The following JTB variants were observed in gnomAD, a reference collection of about 807,000 sequenced individuals.
The protein encoded by JTB is protein JTB.
In JTB, 10 loss-of-function variants were observed where a neutral mutation model predicts 22.1. The ratio of observed to expected loss-of-function variants is 0.45; its 90% CI spans 0.28 to 0.77. The LOEUF is 0.77. JTB is among the 30% of genes least tolerant of loss of function. The probability of loss-of-function intolerance (pLI) is 0.13; values close to 1 mark genes in which losing one functional copy is unlikely to be tolerated. For missense variants in JTB, 137 were observed against 180.3 expected (o/e 0.76, Z 1.38); for synonymous variants, 83 against 66.8 (o/e 1.24, Z -1.18).
chr1:153,977,268 G>C lies in JTB; in HGVS notation c.-16C>G. 6.2e-7 allele frequency: 1 copy of C among 1,613,376 alleles called. No homozygotes were observed. On this transcript the variant is annotated 5_prime_UTR_variant, in exon 1 of 5. Coordinates refer to ENST00000271843, the MANE Select transcript of JTB (RefSeq NM_006694.4). ...CCGCAAGCATGGAGCGCCAAGTGTC[G>C]CACCTGTCGGAACAGAGGGACCTAC...
At position 153,977,153 on chromosome 1, in the gene JTB, C is replaced by A; in HGVS notation, c.83+17G>T. ...CCTCCAGTGACCTCCTTTTCCCTCCCCTTACCTCCTCCTTACCAGAGCTTT... is the reference window on the plus strand; with the variant it reads ...CCTCCAGTGACCTCCTTTTCCCTCCACTTACCTCCTCCTTACCAGAGCTTT... On this transcript the variant is annotated intron_variant, in intron 1 of 4. Transcript: ENST00000271843. The A allele has an allele frequency of 6.2e-7, 1 of 1,614,122 alleles. No homozygotes were observed. Among genetic ancestry groups the A allele is most frequent in the South Asian group, 1.1e-5 (1 of 91,066 alleles).
In JTB at chr1:153,977,305, C is replaced by G; in HGVS notation, c.-53G>C. 1 of 1,596,626 alleles carries G rather than the reference C, an allele frequency of 6.3e-7. No homozygotes were observed. Among genetic ancestry groups the G allele is most frequent in the Non-Finnish European group, 8.5e-7 (1 of 1,171,458 alleles). ...ACAGAGGGACCTACTCCACAGGCCT[C>G]GTGCCTCCGTCGGAGCGCAGAGGCG... On this transcript the variant is annotated 5_prime_UTR_variant, in exon 1 of 5. Coordinates refer to ENST00000271843, the MANE Select transcript of JTB (RefSeq NM_006694.4).
Position 153,977,426 on chromosome 1 carries a change from G to C in JTB, c.-174C>G. On this transcript the variant is annotated 5_prime_UTR_variant, in exon 1 of 5. Coordinates refer to ENST00000271843, the MANE Select transcript of JTB (RefSeq NM_006694.4). ...GAGGATCTATCAGGACGTCCCCGTT[G>C]CCACAGCGAGAAAAATCGATATGTT... is the stretch of plus-strand genomic sequence containing the variant. The C allele has an allele frequency of 7.3e-7, 1 of 1,369,146 alleles. No individual in the cohort carries two copies. Among genetic ancestry groups the C allele is most frequent in the Non-Finnish European group, 9.4e-7 (1 of 1,064,620 alleles). The allele number at this position is 1,369,146 out of a possible 1,614,324, so 84.8% of individuals were successfully genotyped here. A position where few individuals can be genotyped will look rare whatever the true frequency, so the allele number is the denominator to read the frequency against.
At chr1:153,976,653 G>A (rs776874145) in intron 3 of JTB, 40 bp downstream of exon 3, 1 of 1,504,616 alleles carries the variant, frequency 6.6e-7, no homozygotes, top group Admixed American at 1.8e-5. Flanking sequence ...TGTTTGCTTA[G>A]ATGTTTAAAA....
Position 153,977,157 on chromosome 1 carries a change from A to C in JTB, c.83+13T>G, listed in dbSNP as rs1220133498. On this transcript the variant is annotated intron_variant, in intron 1 of 4. Coordinates refer to ENST00000271843, the MANE Select transcript of JTB (RefSeq NM_006694.4). ...CAGTGACCTCCTTTTCCCTCCCCTTACCTCCTCCTTACCAGAGCTTTAAGG... is the reference window on the plus strand; with the variant it reads ...CAGTGACCTCCTTTTCCCTCCCCTTCCCTCCTCCTTACCAGAGCTTTAAGG... The C allele has an allele frequency of 6.2e-7, 1 of 1,613,892 alleles. No individual in the cohort carries two copies. Among genetic ancestry groups the C allele is most frequent in the Non-Finnish European group, 8.5e-7 (1 of 1,179,920 alleles).
At position 153,977,134 on chromosome 1, in the gene JTB, G is replaced by T. The variant is rs1243871664; in HGVS notation, c.83+36C>A. The T allele has an allele frequency of 1.9e-6, 3 of 1,614,042 alleles. No homozygotes were observed. The African/African-American group carries it at 4.0e-5, about 22-fold the overall frequency. On this transcript the variant is annotated intron_variant, in intron 1 of 4. Transcript: ENST00000271843. ...AGGCCGGGAACGATCCTGTCCTCCA[G>T]TGACCTCCTTTTCCCTCCCCTTACC...
chr1:153,977,448 T>A lies in JTB; in HGVS notation c.-196A>T. On this transcript the variant is annotated 5_prime_UTR_variant, in exon 1 of 5. Transcript: ENST00000271843. ...GTTGCCACAGCGAGAAAAATCGATA[T>A]GTTTTTGCGGGCTAGGGAGGCGAGC... 1.2e-5 allele frequency: 16 copies of A among 1,359,858 alleles called. No individual in the cohort carries two copies. The highest frequency in any genetic ancestry group is 1.4e-5 in the Non-Finnish European group (15 of 1,058,068). 84.2% of individuals were successfully genotyped at this position (1,359,858 alleles called of 1,614,324 possible).
chr1:153,977,237 C>G lies in JTB; in HGVS notation c.16G>C (p.Gly6Arg), dbSNP rs770798046. ...CGGCCCTGGGGGAGGCCAGGCCTCCCGGCACCCGCAAGCATGGAGCGCCAA... is the reference window on the plus strand; with the variant it reads ...CGGCCCTGGGGGAGGCCAGGCCTCCGGGCACCCGCAAGCATGGAGCGCCAA... MLAGA[G>R]RPGLPQGRHL... The change falls in exon 1 of 5, where the codon GGG becomes CGG. Residue 6 changes from glycine to arginine, a missense_variant. Physicochemically the swap from Gly to Arg is moderately radical, Grantham distance 125 (BLOSUM62 -2). Coordinates refer to ENST00000271843, the MANE Select transcript of JTB (RefSeq NM_006694.4). 6.8e-6 allele frequency: 11 copies of G among 1,614,094 alleles called. No homozygotes were observed. Among genetic ancestry groups the G allele is most frequent in the Admixed American group, 5.0e-5 (3 of 60,024 alleles).
rs976662658 is a variant in JTB, at chr1:153,977,509, G to A, written c.-257C>T. 8.4e-7 allele frequency: 1 copy of A among 1,190,312 alleles called. No homozygotes were observed. Among genetic ancestry groups the A allele is most frequent in the Non-Finnish European group, 1.0e-6 (1 of 955,782 alleles). 73.7% of individuals were successfully genotyped at this position (1,190,312 alleles called of 1,614,324 possible). A position where few individuals can be genotyped will look rare whatever the true frequency, so the allele number is the denominator to read the frequency against. The stretch of plus-strand genomic sequence containing the variant: ...GGGTCCGCAGGGCGCTGGAGGAAGG[G>A]CCGGCGGGGGCTCGCGGCCCTAGCG... On this transcript the variant is annotated 5_prime_UTR_variant, in exon 1 of 5. Coordinates refer to ENST00000271843, the MANE Select transcript of JTB (RefSeq NM_006694.4).
chr1:153,976,574 C>T, intron 3 of JTB, 119 bp downstream of exon 3: 1 of 837,604 alleles, frequency 1.2e-6, no homozygotes, highest in South Asian at 1.6e-5. Context: ...ACTGAGACTG[C>T]AAGAAGAAAG....
intron 3 of JTB, among the ~76,000 whole-genome samples, chr1:153,976,374 T>C (rs1446085305): frequency 2.0e-5 from 3 of 152,092 alleles, no homozygotes; most frequent in Admixed American, 6.6e-5. Flanking sequence ...GGCAGGAGAA[T>C]CGCTTGAACC....
chr1:153,976,451 A>C (rs1422679854), intron 3 of JTB, among the ~76,000 whole-genome samples: 1 of 152,110 alleles, frequency 6.6e-6, no homozygotes, highest in Non-Finnish European at 1.5e-5. Context: ...ACAGAGTGAG[A>C]CTCCGTCTCA....
chr1:153,976,064 G>A (rs12564199), intron 3 of JTB, among the ~76,000 whole-genome samples, 159 bp from the exon 4 acceptor site: 17,636 of 152,254 alleles, frequency 0.12, 1,575 homozygotes, highest in African/African-American at 0.24. Flanking sequence ...TGGAGGTGGT[G>A]GTTGCATGAT....
chr1:153,976,653 G>T, intron 3 of JTB, 40 bp downstream of exon 3: 1 of 1,504,608 alleles, frequency 6.6e-7, no homozygotes, highest in Non-Finnish European at 9.2e-7. Context: ...TGTTTGCTTA[G>T]ATGTTTAAAA....
intron 2 of JTB, 70 bp downstream of exon 2, chr1:153,976,906 G>C: frequency 6.2e-7 from 1 of 1,607,044 alleles, no homozygotes; most frequent in Non-Finnish European, 8.5e-7. Context: ...CTGTGCTCTT[G>C]GTATATGGGG....
Position 153,976,949 on chromosome 1 carries a change from G to A in JTB, c.121+27C>T, listed in dbSNP as rs758001896. On this transcript the variant is annotated intron_variant, in intron 2 of 4. Transcript: ENST00000271843. ...TAAAACCAAAAACAAACGACGGGAC[G>A]TGTCGGGTTCCCAGACAATCACCCA... is the stretch of plus-strand genomic sequence containing the variant. 5.6e-6 allele frequency: 9 copies of A among 1,614,070 alleles called. No homozygotes were observed. In the East Asian group the frequency reaches 1.6e-4, roughly 28 times the overall value.
At chr1:153,976,912 T>C (rs541400847) in intron 2 of JTB, 64 bp downstream of exon 2, 23 of 1,608,806 alleles carry the variant, frequency 1.4e-5, no homozygotes, top group African/African-American at 2.7e-5. Context: ...TCTTGGTATA[T>C]GGGGAAGATA....
At chr1:153,974,860 TC>T (rs777838598) in intron 4 of JTB, 25 bp from the exon 5 acceptor site, 1 of 1,587,446 alleles carries the variant, frequency 6.3e-7, no homozygotes, top group South Asian at 1.1e-5. Context: ...GAATAGTTAT[TC>T]CCAAGGAAGG....
intron 4 of JTB, among the ~76,000 whole-genome samples, chr1:153,975,370 C>A (rs1479745638): frequency 6.6e-6 from 1 of 151,242 alleles, no homozygotes. Context: ...CCACCCGCCT[C>A]GGCCTCCCAA....
Sources: gnomAD v4.1 joint callset for allele counts (sites outside exome capture counted in the v4.1 genomes callset) on GRCh38, gnomAD v4.1.1 for gene constraint, MANE v1.5 for transcripts, NCBI Gene and HGNC (gene_info 2026-07-23, HGNC 2026-07-21) for gene names.